Variants in CALN1 observed in about 807,000 individuals in gnomAD.
CALN1 encodes calcium-binding protein 8.
In CALN1, 17 loss-of-function variants were observed where a neutral mutation model predicts 30.6. The ratio of observed to expected loss-of-function variants is 0.56; its 90% CI spans 0.38 to 0.83. CALN1 has a LOEUF of 0.83. Ranked by LOEUF, CALN1 falls within the 40% of genes least tolerant of loss-of-function variation. CALN1 has a pLI of 0.00. For synonymous variants in CALN1, 156 were observed against 131.4 expected (o/e 1.19, Z -1.28); for missense variants, 291 against 354.9 (o/e 0.82, Z 1.45).
At chr7:72,382,635 C>T (rs1804971950) in intron 2 of CALN1, among the ~76,000 whole-genome samples, 1 of 152,144 alleles carries the variant, frequency 6.6e-6, no homozygotes, top group South Asian at 2.1e-4. Flanking sequence ...CTCTAGTAGT[C>T]CTCAGTGTCT....
At chr7:72,273,647 T>C (rs568060910) in intron 3 of CALN1, among the ~76,000 whole-genome samples, 50 of 151,330 alleles carry the variant, frequency 3.3e-4, no homozygotes, top group Non-Finnish European at 6.6e-4. Flanking sequence ...GCCTCACAAG[T>C]GGTGGGGACT....
chr7:71,789,229 C>T (rs1052758677), intron 6 of CALN1, among the ~76,000 whole-genome samples: 20 of 151,988 alleles, frequency 1.3e-4, no homozygotes, highest in African/African-American at 3.4e-4. Flanking sequence ...CCAGCCTGGC[C>T]GACATGGTGA....
In CALN1 at chr7:72,365,760, A is replaced by G. The variant is rs181331522; in HGVS notation, c.119+37491T>C. ...AGGTGTGTAAGATCACGAATAATCA[A>G]AGAAACATTATCTAATGCAAAGATG... On this transcript the variant is annotated intron_variant, in intron 2 of 6. Coordinates refer to ENST00000395275, the MANE Select transcript of CALN1 (RefSeq NM_031468.4). Among the ~76,000 whole-genome samples the G allele has an allele frequency of 3.1e-3, 472 of 152,276 alleles. 1 individual carries two copies. Among genetic ancestry groups the G allele is most frequent in the Non-Finnish European group, 4.8e-3 (326 of 68,018 alleles).
At chr7:72,340,726 C>T (rs1243807149) in intron 2 of CALN1, among the ~76,000 whole-genome samples, 5 of 152,136 alleles carry the variant, frequency 3.3e-5, no homozygotes, top group African/African-American at 4.8e-5. Flanking sequence ...AAATCACATA[C>T]TGTATTCCCA....
chr7:72,029,091 T>C (rs554835141), intron 4 of CALN1, among the ~76,000 whole-genome samples: 23 of 152,300 alleles, frequency 1.5e-4, no homozygotes, highest in African/African-American at 5.1e-4. Flanking sequence ...CCCTAAGTAA[T>C]AGAGTTGCAA....
At chr7:72,125,527 ATTT>A (rs925467857) in intron 3 of CALN1, among the ~76,000 whole-genome samples, 1 of 152,172 alleles carries the variant, frequency 6.6e-6, no homozygotes, top group East Asian at 1.9e-4. Flanking sequence ...TGCTACAGAA[ATTT>A]TTTTTAAAAA....
At chr7:72,408,582 A>C (rs1265757055) in intron 1 of CALN1, among the ~76,000 whole-genome samples, 1 of 151,922 alleles carries the variant, frequency 6.6e-6, no homozygotes, top group African/African-American at 2.4e-5. Flanking sequence ...TTTTTGTATA[A>C]ATTCATGGGA....
At chr7:72,070,593 A>C (rs1340784369) in intron 4 of CALN1, among the ~76,000 whole-genome samples, 13 of 152,208 alleles carry the variant, frequency 8.5e-5, no homozygotes, top group Non-Finnish European at 1.6e-4. Flanking sequence ...AGGGATATGA[A>C]GAGTTCCCTG....
intron 3 of CALN1, among the ~76,000 whole-genome samples, chr7:72,145,786 C>T (rs1431401735): frequency 1.3e-5 from 2 of 152,176 alleles, no homozygotes; most frequent in African/African-American, 4.8e-5. Flanking sequence ...ATCAAGTGGG[C>T]TTCATCCCTG....
At chr7:71,873,096 C>T (rs868162156) in intron 5 of CALN1, among the ~76,000 whole-genome samples, 11 of 149,874 alleles carry the variant, frequency 7.3e-5, no homozygotes, top group African/African-American at 2.3e-4. Context: ...CTTTGCCTCC[C>T]GGATTCAAGC....
chr7:72,162,400 G>T (rs904927856), intron 3 of CALN1, among the ~76,000 whole-genome samples: 1 of 152,000 alleles, frequency 6.6e-6, no homozygotes, highest in Admixed American at 6.6e-5. Flanking sequence ...AAAGCAGATA[G>T]AAAGTGAAGG....
At chr7:72,462,761 G>A in the CALN1 span, among the ~76,000 whole-genome samples, 3 of 152,134 alleles carry the variant, frequency 2.0e-5, no homozygotes, top group East Asian at 5.8e-4. Context: ...CTGTGGAAGA[G>A]GAGAGATTTA....
At position 72,265,563 on chromosome 7, in the gene CALN1, G is replaced by A. The variant is rs1350222726; in HGVS notation, c.244+13123C>T. 5.3e-5 allele frequency among the ~76,000 whole-genome samples: 8 copies of A among 152,038 alleles called. No homozygotes were observed. In the South Asian group the frequency reaches 1.7e-3, roughly 32 times the overall value. ...TAGTTATCTGGGGGAGCACGATGGG[G>A]CTTAATTAGCTTACTAGATCTGTTA... is the stretch of plus-strand genomic sequence containing the variant. On this transcript the variant is annotated intron_variant, in intron 3 of 6. Transcript: ENST00000395275.
chr7:71,923,872 C>T lies in CALN1; in HGVS notation c.501+99785G>A, dbSNP rs548747965. On this transcript the variant is annotated intron_variant, in intron 5 of 6. Coordinates refer to ENST00000395275, the MANE Select transcript of CALN1 (RefSeq NM_031468.4). ...CATGTTAGCATGGCCTTTGAAGGCTCTGCAACCAGAAGTTTGCAGTCCAAG... is the reference window on the plus strand; with the variant it reads ...CATGTTAGCATGGCCTTTGAAGGCTTTGCAACCAGAAGTTTGCAGTCCAAG... 5.9e-5 allele frequency among the ~76,000 whole-genome samples: 9 copies of T among 152,188 alleles called. No homozygotes were observed. In the South Asian group the frequency reaches 1.7e-3, roughly 28 times the overall value.
At chr7:72,422,242 C>A (rs1807636052) in intron 1 of CALN1, among the ~76,000 whole-genome samples, 1 of 152,174 alleles carries the variant, frequency 6.6e-6, no homozygotes, top group South Asian at 2.1e-4. Context: ...GTTTACATTC[C>A]CGCCAGCAGT....
At chr7:72,013,538 T>C (rs1264381087) in intron 5 of CALN1, among the ~76,000 whole-genome samples, 1 of 152,088 alleles carries the variant, frequency 6.6e-6, no homozygotes, top group Admixed American at 6.6e-5. Flanking sequence ...AGACAGGAGA[T>C]ACCATGCCCA....
Position 72,106,139 on chromosome 7 carries a change from T to C in CALN1, c.388+12A>G, listed in dbSNP as rs766910444. The stretch of plus-strand genomic sequence containing the variant: ...CATGTCTCAGGGGAGAAGCTGCTTG[T>C]CCGGGTCTTACCGTCCATGTCCAAG... On this transcript the variant is annotated intron_variant, in intron 4 of 6. Coordinates refer to ENST00000395275, the MANE Select transcript of CALN1 (RefSeq NM_031468.4). 20 of 1,612,700 alleles carry C rather than the reference T, an allele frequency of 1.2e-5. No individual in the cohort carries two copies. Among genetic ancestry groups the C allele is most frequent in the Non-Finnish European group, 1.6e-5 (19 of 1,179,358 alleles).
intron 6 of CALN1, among the ~76,000 whole-genome samples, chr7:71,802,073 G>A (rs994314586): frequency 2.6e-5 from 4 of 152,066 alleles, no homozygotes; most frequent in Non-Finnish European, 2.9e-5. Context: ...GCAGGCATGC[G>A]TGACAGTTCT....
At chr7:72,299,473 A>G (rs1211823523) in intron 2 of CALN1, among the ~76,000 whole-genome samples, 3 of 7,940 alleles carry the variant, frequency 3.8e-4, no homozygotes, top group African/African-American at 1.0e-3. Context: ...CAGAAATTAC[A>G]AAGGAAAAGA....
Sources: allele counts gnomAD v4.1 joint callset (sites outside exome capture counted in the v4.1 genomes callset), GRCh38; gene constraint gnomAD v4.1.1; transcripts MANE v1.5; gene names NCBI Gene and HGNC (gene_info 2026-07-23, HGNC 2026-07-21).